Variants in CLSTN2 observed in about 807,000 individuals in gnomAD.
CLSTN2 encodes calsyntenin-2.
Under a neutral mutation model 101.2 loss-of-function variants are expected in CLSTN2, and 48 were observed. The observed-to-expected ratio is 0.47, with a 90% CI of 0.38 to 0.60. The LOEUF (loss-of-function observed/expected upper bound fraction) is 0.60. Among genes scored for constraint, CLSTN2 ranks in the 20% least tolerant of loss-of-function variants. The pLI is 0.00. For synonymous variants in CLSTN2, 481 were observed against 463.6 expected (o/e 1.04, Z -0.48); for missense variants, 1,160 against 1,238.2 (o/e 0.94, Z 0.95).
At chr3:140,400,909 G>A (rs1012947392) in intron 2 of CLSTN2, among the ~76,000 whole-genome samples, 2 of 152,156 alleles carry the variant, frequency 1.3e-5, no homozygotes, top group African/African-American at 2.4e-5. Flanking sequence ...TCTTAGGGAG[G>A]CCCTCCCTGC....
intron 1 of CLSTN2, among the ~76,000 whole-genome samples, chr3:140,121,947 A>T (rs2009347545): frequency 6.6e-6 from 1 of 152,176 alleles, no homozygotes; most frequent in Admixed American, 6.5e-5. Context: ...ATTCTCATTA[A>T]GTCTGAATTG....
chr3:140,364,412 G>A (rs2087762063), intron 2 of CLSTN2, among the ~76,000 whole-genome samples: 1 of 152,184 alleles, frequency 6.6e-6, no homozygotes, highest in African/African-American at 2.4e-5. Flanking sequence ...GAAGTCCCTA[G>A]AATCTTACCT....
chr3:140,001,861 GGAAC>G (rs2006849031), intron 1 of CLSTN2, among the ~76,000 whole-genome samples: 1 of 151,906 alleles, frequency 6.6e-6, no homozygotes. Flanking sequence ...TAAATAAGTG[GGAAC>G]GTGTGATGTT....
chr3:140,446,471 G>T (rs1163985093), intron 5 of CLSTN2, among the ~76,000 whole-genome samples: 5 of 152,134 alleles, frequency 3.3e-5, no homozygotes, highest in African/African-American at 1.2e-4. Context: ...GCTAAACTCA[G>T]ATTGCAAAGG....
intron 2 of CLSTN2, among the ~76,000 whole-genome samples, chr3:140,212,230 T>C (rs917285683): frequency 3.3e-5 from 5 of 152,224 alleles, no homozygotes; most frequent in Non-Finnish European, 7.3e-5. Context: ...TTTATAATTT[T>C]TAACAAAGAT....
intron 2 of CLSTN2, among the ~76,000 whole-genome samples, chr3:140,341,037 TTGAC>T (rs2087486598): frequency 2.0e-5 from 3 of 152,340 alleles, no homozygotes; most frequent in South Asian, 4.1e-4. Context: ...GACGTTGACC[TTGAC>T]CACCTGGTTG....
chr3:139,969,226 CA>C (rs1235989860), intron 1 of CLSTN2, among the ~76,000 whole-genome samples: 1 of 152,140 alleles, frequency 6.6e-6, no homozygotes, highest in Non-Finnish European at 1.5e-5. Flanking sequence ...GGGCTGCTAC[CA>C]AAAGTAAAGC....
chr3:140,102,887 C>T (rs2008992828), intron 1 of CLSTN2, among the ~76,000 whole-genome samples: 1 of 152,126 alleles, frequency 6.6e-6, no homozygotes, highest in Non-Finnish European at 1.5e-5. Flanking sequence ...TTACCCAACC[C>T]TTCTGACCCT....
intron 1 of CLSTN2, among the ~76,000 whole-genome samples, chr3:139,945,778 T>C (rs1013606331): frequency 1.3e-5 from 2 of 152,222 alleles, no homozygotes; most frequent in African/African-American, 4.8e-5. Context: ...TAATGAAATA[T>C]AACCATTACA....
At chr3:140,256,563 G>A (rs376816190) in intron 2 of CLSTN2, among the ~76,000 whole-genome samples, 1 of 152,250 alleles carries the variant, frequency 6.6e-6, no homozygotes, top group Admixed American at 6.5e-5. Context: ...TGTTTACCTT[G>A]GCAACCTTCA....
chr3:140,459,859 G>C, intron 7 of CLSTN2, 90 bp downstream of exon 7: 1 of 1,450,052 alleles, frequency 6.9e-7, no homozygotes, highest in Non-Finnish European at 9.6e-7. Context: ...AGCCAAGGAG[G>C]ATGTGGAAGA....
chr3:140,499,672 A>G (rs140241799), intron 8 of CLSTN2, among the ~76,000 whole-genome samples: 1 of 152,094 alleles, frequency 6.6e-6, no homozygotes. Context: ...CCCATCCTCA[A>G]ATACTTCTCA....
At chr3:140,040,311 A>T (rs916662284) in intron 1 of CLSTN2, among the ~76,000 whole-genome samples, 1 of 152,202 alleles carries the variant, frequency 6.6e-6, no homozygotes, top group African/African-American at 2.4e-5. Flanking sequence ...ATAGAAACAC[A>T]TCACTAAAGT....
chr3:140,526,170 A>G (rs979407531), intron 8 of CLSTN2, among the ~76,000 whole-genome samples: 1 of 152,182 alleles, frequency 6.6e-6, no homozygotes, highest in Non-Finnish European at 1.5e-5. Context: ...TTCCTTACTT[A>G]GAAAACCCTA....
intron 5 of CLSTN2, among the ~76,000 whole-genome samples, chr3:140,439,851 A>G (rs2088739979): frequency 6.6e-6 from 1 of 152,208 alleles, no homozygotes; most frequent in East Asian, 1.9e-4. Flanking sequence ...CAGATGATTG[A>G]TAAGTAATAC....
chr3:140,216,561 C>A (rs939110694), intron 2 of CLSTN2, among the ~76,000 whole-genome samples: 8 of 152,150 alleles, frequency 5.3e-5, no homozygotes, highest in Admixed American at 3.9e-4. Flanking sequence ...AATTAAAAAA[C>A]CAAACCTCTC....
At chr3:140,500,800 G>A (rs770588517) in intron 8 of CLSTN2, among the ~76,000 whole-genome samples, 14 of 151,994 alleles carry the variant, frequency 9.2e-5, no homozygotes, top group Non-Finnish European at 1.9e-4. Flanking sequence ...GAATATTGTG[G>A]GGGTACTTTG....
chr3:140,521,048 A>ATTTTTTTT lies in CLSTN2; in HGVS notation c.1345-11266_1345-11259dup. On this transcript the variant is annotated intron_variant, in intron 8 of 16. Transcript: ENST00000458420. ...TTATCATGATTTTTAGCTTTTTTGC[A>ATTTTTTTT]TTTTTTTTTTTTTTTTTGCATTGAG... is the stretch of plus-strand genomic sequence containing the variant. 1.6e-5 allele frequency among the ~76,000 whole-genome samples: 2 copies of ATTTTTTTT among 125,492 alleles called. 1 individual carries two copies. The highest frequency in any genetic ancestry group is 3.4e-5 in the Non-Finnish European group (2 of 59,438). The allele number at this position is 125,492 out of a possible 152,430, so 82.3% of individuals were successfully genotyped here.
At chr3:140,451,999 AG>A (rs1375634695) in intron 6 of CLSTN2, among the ~76,000 whole-genome samples, 1 of 152,190 alleles carries the variant, frequency 6.6e-6, no homozygotes, top group Non-Finnish European at 1.5e-5. Flanking sequence ...ACAGGCTTGG[AG>A]ACAGAAATCA....
Sources: gnomAD v4.1 joint callset for allele counts (sites outside exome capture counted in the v4.1 genomes callset) on GRCh38, gnomAD v4.1.1 for gene constraint, MANE v1.5 for transcripts, NCBI Gene and HGNC (gene_info 2026-07-23, HGNC 2026-07-21) for gene names.